ADARB1: variants seen among roughly 807,000 people sequenced by gnomAD.
ADARB1 encodes adenosine deaminase RNA specific B1.
Under a neutral mutation model 52.4 loss-of-function variants are expected in ADARB1, and 10 were observed. That is an observed-to-expected ratio of 0.19 (90% CI 0.12 to 0.32). The LOEUF is 0.32. Ranked by LOEUF, ADARB1 falls within the 10% of genes least tolerant of loss-of-function variation. The pLI is 1.00. For synonymous variants in ADARB1, 349 were observed against 371.1 expected (o/e 0.94, Z 0.68); for missense variants, 643 against 922.3 (o/e 0.70, Z 3.92).
At chr21:45,138,246 G>A (rs2089503468) in intron 2 of ADARB1, among the ~76,000 whole-genome samples, 1 of 152,190 alleles carries the variant, frequency 6.6e-6, no homozygotes, top group Admixed American at 6.5e-5. Context: ...TCACATGGAG[G>A]AGGATTTAGC....
chr21:45,114,432 C>T lies in ADARB1; in HGVS notation c.-219-13970C>T, dbSNP rs187121324. 1.4e-4 allele frequency among the ~76,000 whole-genome samples: 21 copies of T among 152,276 alleles called. No individual in the cohort carries two copies. In the East Asian group the frequency reaches 3.9e-3, roughly 28 times the overall value. On this transcript the variant is annotated intron_variant, in intron 1 of 10. Coordinates refer to ENST00000348831, the MANE Select transcript of ADARB1 (RefSeq NM_001112.4). ...TAAAGCCTTGATGCTCAGGCCCATC[C>T]GTCATCCCGGGCAGGTGCGTAGCCT...
chr21:45,117,701 T>C (rs555015093), intron 1 of ADARB1, among the ~76,000 whole-genome samples: 199 of 152,378 alleles, frequency 1.3e-3, no homozygotes, highest in African/African-American at 4.6e-3. Context: ...ATGGATCAGC[T>C]ATTGATAAGG....
chr21:45,162,482 G>A (rs1419003100), intron 2 of ADARB1, among the ~76,000 whole-genome samples: 2 of 152,162 alleles, frequency 1.3e-5, no homozygotes, highest in South Asian at 2.1e-4. Context: ...CAGGCTGTGT[G>A]GGCAGAATGA....
intron 1 of ADARB1, among the ~76,000 whole-genome samples, chr21:45,109,571 G>GCC (rs999949717): frequency 6.6e-6 from 1 of 152,124 alleles, no homozygotes; most frequent in Non-Finnish European, 1.5e-5. Context: ...GGGGCTCTGC[G>GCC]CCCCCCCAGG....
chr21:45,098,271 T>G (rs1200499959), intron 1 of ADARB1, among the ~76,000 whole-genome samples: 1 of 152,180 alleles, frequency 6.6e-6, no homozygotes, highest in African/African-American at 2.4e-5. Flanking sequence ...CCCATCTGTC[T>G]CCAGATCCCT....
At chr21:45,086,602 A>G (rs554144634) in intron 1 of ADARB1, among the ~76,000 whole-genome samples, 1 of 152,372 alleles carries the variant, frequency 6.6e-6, no homozygotes, top group South Asian at 2.1e-4. Flanking sequence ...CATCGTTTGC[A>G]TCAGGCTTTC....
At chr21:45,087,095 T>C (rs1051293696) in intron 1 of ADARB1, among the ~76,000 whole-genome samples, 4 of 152,092 alleles carry the variant, frequency 2.6e-5, no homozygotes, top group South Asian at 2.1e-4. Context: ...TTTGATGTTT[T>C]CCCCCCACTT....
At chr21:45,134,122 G>GACAGTGGTGTGTGCA (rs2089177465) in intron 2 of ADARB1, among the ~76,000 whole-genome samples, 1 of 111,436 alleles carries the variant, frequency 9.0e-6, no homozygotes, top group African/African-American at 3.5e-5. Flanking sequence ...TGGTGTGTGC[G>GACAGTGGTGTGTGCA]CCCGACGGGG....
chr21:45,193,894 CA>C (rs1291575155), intron 8 of ADARB1, among the ~76,000 whole-genome samples: 2 of 152,146 alleles, frequency 1.3e-5, no homozygotes, highest in African/African-American at 2.4e-5. Flanking sequence ...GTCAAGATAC[CA>C]GTTTTCACCA....
intron 2 of ADARB1, among the ~76,000 whole-genome samples, chr21:45,140,406 C>T (rs1048406573): frequency 6.6e-6 from 1 of 152,188 alleles, no homozygotes; most frequent in Non-Finnish European, 1.5e-5. Context: ...AGCAGAGCAC[C>T]TAGACCAGGC....
chr21:45,107,877 C>A (rs141634999), intron 1 of ADARB1, among the ~76,000 whole-genome samples: 1 of 152,134 alleles, frequency 6.6e-6, no homozygotes, highest in Non-Finnish European at 1.5e-5. Flanking sequence ...GCCTGGGCAA[C>A]ATGGCAAAAC....
rs2091527970 is a variant in ADARB1 at position 45,172,562 on chromosome 21, A to G, written c.28+878A>G. 1.3e-5 allele frequency among the ~76,000 whole-genome samples: 2 copies of G among 152,176 alleles called. No individual in the cohort carries two copies. Among genetic ancestry groups the G allele is most frequent in the Admixed American group, 6.5e-5 (1 of 15,282 alleles). On this transcript the variant is annotated intron_variant, in intron 3 of 10. Coordinates refer to ENST00000348831, the MANE Select transcript of ADARB1 (RefSeq NM_001112.4). The surrounding 1 kb of genome is among the most constrained non-coding windows in gnomAD (Gnocchi z 4.4). ...ACTCTTGCGTACCATGTAGAACCCA[A>G]ACCATGACCCAGTGAAGCATTTCTG...
Position 45,157,348 on chromosome 21 carries a change from G to A in ADARB1, c.-47-14262G>A, listed in dbSNP as rs75122475. Among the ~76,000 whole-genome samples the A allele has an allele frequency of 1.1e-4, 17 of 152,050 alleles. No homozygotes were observed. Among genetic ancestry groups the A allele is most frequent in the African/African-American group, 3.4e-4 (14 of 41,322 alleles). ...TAATATTGAAAATAAAGTTTACATC[G>A]TTGTCTTTTTTTTCCCTTTGATTCC... is the stretch of plus-strand genomic sequence containing the variant. On this transcript the variant is annotated intron_variant, in intron 2 of 10. Coordinates refer to ENST00000348831, the MANE Select transcript of ADARB1 (RefSeq NM_001112.4). This position sits in a 1 kb window ranked among gnomAD's most constrained non-coding sequence, Gnocchi z 4.1.
chr21:45,150,210 G>GTGCA (rs1698119695), intron 2 of ADARB1, among the ~76,000 whole-genome samples: 1 of 152,222 alleles, frequency 6.6e-6, no homozygotes, highest in Non-Finnish European at 1.5e-5. Flanking sequence ...GGAGGTGGAG[G>GTGCA]TTGCAGTGAG....
At chr21:45,125,325 T>G (rs975539559) in intron 1 of ADARB1, among the ~76,000 whole-genome samples, 5 of 152,166 alleles carry the variant, frequency 3.3e-5, no homozygotes, top group Non-Finnish European at 4.4e-5. Context: ...GAGCTCTGCT[T>G]CTGGCTGTCA....
At chr21:45,189,026 T>C (rs1432124552) in intron 8 of ADARB1, among the ~76,000 whole-genome samples, 3 of 152,172 alleles carry the variant, frequency 2.0e-5, no homozygotes, top group African/African-American at 7.2e-5. Context: ...TCATCACATC[T>C]CATGATACTT....
chr21:45,156,931 T>A (rs2090688678), intron 2 of ADARB1, among the ~76,000 whole-genome samples: 1 of 152,156 alleles, frequency 6.6e-6, no homozygotes, highest in Non-Finnish European at 1.5e-5. Context: ...GGAGGGATAT[T>A]CTCCAGTATC....
chr21:45,104,376 G>A (rs983408207), intron 1 of ADARB1, among the ~76,000 whole-genome samples: 2 of 152,174 alleles, frequency 1.3e-5, no homozygotes, highest in Admixed American at 1.3e-4. Context: ...AAGAGAGGCT[G>A]TTGCTACTGT....
In ADARB1 at chr21:45,225,182, T is replaced by C. The variant is rs2093042047; in HGVS notation, c.*2985T>C. 9.6e-7 allele frequency: 1 copy of C among 1,041,584 alleles called. No homozygotes were observed. The highest frequency in any genetic ancestry group is 1.2e-6 in the Non-Finnish European group (1 of 867,572). 64.5% of individuals were successfully genotyped at this position (1,041,584 alleles called of 1,614,324 possible). ...TCTGCCAGGGACAGAGTCCTGCTAG[T>C]GGGAGGTCTCAGGTGGGGCGGTGTG... On this transcript the variant is annotated 3_prime_UTR_variant, in exon 11 of 11. Coordinates refer to ENST00000348831, the MANE Select transcript of ADARB1 (RefSeq NM_001112.4).
Sources: gnomAD v4.1 joint callset for allele counts (sites outside exome capture counted in the v4.1 genomes callset) on GRCh38, gnomAD v4.1.1 for gene constraint, Gnocchi (gnomAD v3.1) non-coding constraint, MANE v1.5 for transcripts, NCBI Gene and HGNC (gene_info 2026-07-23, HGNC 2026-07-21) for gene names.